The following AGFG1 variants were observed in gnomAD, a reference collection of about 807,000 sequenced individuals.
The protein encoded by AGFG1 is ArfGAP with FG repeats 1, also known as arf-GAP domain and FG repeat-containing protein 1.
A neutral mutation model predicts 60.6 loss-of-function variants in AGFG1; 10 were observed. The observed-to-expected ratio is 0.16, with a 90% CI of 0.10 to 0.28. The LOEUF is 0.28. Ranked by LOEUF, AGFG1 falls within the 10% of genes least tolerant of loss-of-function variation. The pLI, the probability that AGFG1 is intolerant of heterozygous loss-of-function variation, is 1.00. For missense variants in AGFG1, 537 were observed against 676.5 expected (o/e 0.79, Z 2.29); for synonymous variants, 247 against 242.9 (o/e 1.02, Z -0.16).
At chr2:227,515,566 G>C (rs1229775967) in intron 2 of AGFG1, among the ~76,000 whole-genome samples, 1 of 151,828 alleles carries the variant, frequency 6.6e-6, no homozygotes, top group Non-Finnish European at 1.5e-5. Flanking sequence ...AGATTCCATG[G>C]TCTGTTAATA....
chr2:227,516,928 C>T (rs1269182083), intron 2 of AGFG1, among the ~76,000 whole-genome samples: 1 of 152,090 alleles, frequency 6.6e-6, no homozygotes, highest in Non-Finnish European at 1.5e-5. Context: ...TGAAAAACTT[C>T]CAGGCCTCCC....
At chr2:227,490,879 A>G (rs920395764) in intron 1 of AGFG1, among the ~76,000 whole-genome samples, 1 of 152,202 alleles carries the variant, frequency 6.6e-6, no homozygotes, top group African/African-American at 2.4e-5. Context: ...TCAGGGTTCT[A>G]AAGGACCTTA....
intron 6 of AGFG1, 105 bp from the exon 7 acceptor site, chr2:227,533,444 G>C (rs1179088871): frequency 1.0e-6 from 1 of 987,386 alleles, no homozygotes; most frequent in East Asian, 2.5e-5. Context: ...AATGTTGTAA[G>C]ATTGCTTATA....
chr2:227,473,342 G>A (rs543573347), intron 1 of AGFG1, among the ~76,000 whole-genome samples: 1 of 152,246 alleles, frequency 6.6e-6, no homozygotes, highest in South Asian at 2.1e-4. Context: ...TTGGGGGAAA[G>A]TTTTAATGGC....
chr2:227,499,295 C>T (rs186860308), intron 2 of AGFG1, among the ~76,000 whole-genome samples: 5 of 151,862 alleles, frequency 3.3e-5, no homozygotes, highest in Admixed American at 3.3e-4. Context: ...AGGTAATATC[C>T]ACACATCGAG....
chr2:227,508,666 TTGGAA>T (rs1559178922), intron 2 of AGFG1: 1 of 466,354 alleles, frequency 2.1e-6, no homozygotes, highest in African/African-American at 2.0e-5. Context: ...TTTAGAACAA[TTGGAA>T]TGGAAACACT....
Position 227,557,936 on chromosome 2 carries a change from CTT to C in AGFG1, c.*3443_*3444del, listed in dbSNP as rs1420196572. Reference sequence around the variant, plus strand: ...AGGGACCATTAAGGGTCTCCAGACTCTTTGAGAACCACTATACTTTAAATTTG... The same window carrying C: ...AGGGACCATTAAGGGTCTCCAGACTCTGAGAACCACTATACTTTAAATTTG... On this transcript the variant is annotated 3_prime_UTR_variant, in exon 13 of 13. Transcript: ENST00000310078. 1 of 152,212 alleles carries C rather than the reference CTT, an allele frequency of 6.6e-6. No homozygotes were observed. Among genetic ancestry groups the C allele is most frequent in the Admixed American group, 6.5e-5 (1 of 15,276 alleles). The allele number at this position is 152,212 out of a possible 1,614,324, so 9.4% of individuals were successfully genotyped here. A position where few individuals can be genotyped will look rare whatever the true frequency, so the allele number is the denominator to read the frequency against.
At chr2:227,472,645 G>A (rs1690128635) in intron 1 of AGFG1, 57 bp downstream of exon 1, 1 of 1,528,074 alleles carries the variant, frequency 6.5e-7, no homozygotes, top group Non-Finnish European at 8.8e-7. Context: ...GGGGGAGCGG[G>A]CGGCGGGACC....
At chr2:227,511,791 C>T (rs962614002) in intron 2 of AGFG1, among the ~76,000 whole-genome samples, 31 of 152,118 alleles carry the variant, frequency 2.0e-4, no homozygotes, top group African/African-American at 7.2e-4. Flanking sequence ...TGCCTCATGA[C>T]ATAGCATTTA....
intron 2 of AGFG1, among the ~76,000 whole-genome samples, chr2:227,498,949 A>G (rs902008690): frequency 6.6e-6 from 1 of 152,204 alleles, no homozygotes; most frequent in Non-Finnish European, 1.5e-5. Flanking sequence ...AACAATATAA[A>G]TCATTAGATG....
intron 3 of AGFG1, among the ~76,000 whole-genome samples, chr2:227,522,553 G>C (rs956388716): frequency 1.3e-5 from 2 of 152,114 alleles, no homozygotes; most frequent in African/African-American, 4.8e-5. Flanking sequence ...TTAAACCTAG[G>C]CAACTCTGCC....
chr2:227,499,683 G>A (rs1174660271), intron 2 of AGFG1, among the ~76,000 whole-genome samples: 2 of 151,964 alleles, frequency 1.3e-5, no homozygotes, highest in Admixed American at 1.3e-4. Context: ...GAGGCTAGAT[G>A]GATCACAGTG....
chr2:227,475,400 C>A lies in AGFG1; in HGVS notation c.167+2812C>A, dbSNP rs566933602. Among the ~76,000 whole-genome samples the A allele has an allele frequency of 3.9e-5, 6 of 152,254 alleles. No homozygotes were observed. The South Asian group carries it at 1.2e-3, about 32-fold the overall frequency. ...TCACAAGGATCCCCAAATAGAGTTC[C>A]CAAATCTGAAATCTAGAATTCTTGG... On this transcript the variant is annotated intron_variant, in intron 1 of 12. Transcript: ENST00000310078.
intron 10 of AGFG1, among the ~76,000 whole-genome samples, chr2:227,537,676 G>T (rs557578873): frequency 8.8e-4 from 134 of 152,172 alleles, no homozygotes; most frequent in South Asian, 4.4e-3. Context: ...AGAGATATTT[G>T]CCAGTATCTT....
chr2:227,509,644 G>A (rs969451938), intron 2 of AGFG1, among the ~76,000 whole-genome samples: 9 of 152,114 alleles, frequency 5.9e-5, no homozygotes, highest in African/African-American at 1.7e-4. Context: ...AAATGTTACC[G>A]TTGGAGACTT....
chr2:227,537,056 T>C, intron 10 of AGFG1, 63 bp downstream of exon 10: 2 of 1,397,730 alleles, frequency 1.4e-6, no homozygotes, highest in Non-Finnish European at 2.0e-6. Context: ...AAAGACACCA[T>C]GTGAAGAACA....
At chr2:227,543,235 T>C (rs1692546875) in intron 10 of AGFG1, among the ~76,000 whole-genome samples, 1 of 152,228 alleles carries the variant, frequency 6.6e-6, no homozygotes, top group Non-Finnish European at 1.5e-5. Flanking sequence ...TCTAGTTCTT[T>C]TAATTGTGAT....
At chr2:227,541,373 A>G (rs1159597330) in intron 10 of AGFG1, among the ~76,000 whole-genome samples, 1 of 152,176 alleles carries the variant, frequency 6.6e-6, no homozygotes, top group East Asian at 1.9e-4. Context: ...ATTTTTGTAC[A>G]AGGTGTAAGG....
At chr2:227,494,765 A>C (rs1459179713) in intron 2 of AGFG1, among the ~76,000 whole-genome samples, 1 of 152,206 alleles carries the variant, frequency 6.6e-6, no homozygotes, top group African/African-American at 2.4e-5. Context: ...TAATACTTGC[A>C]TTGTAGTTGA....
Sources: gnomAD v4.1 joint callset for allele counts (sites outside exome capture counted in the v4.1 genomes callset) on GRCh38, gnomAD v4.1.1 for gene constraint, MANE v1.5 for transcripts, NCBI Gene and HGNC (gene_info 2026-07-23, HGNC 2026-07-21) for gene names.